The following H3-3A variants were observed in gnomAD, a reference collection of about 807,000 sequenced individuals.
H3-3A encodes H3.3 histone A, also known as histone H3.3.
For synonymous variants in H3-3A, 49 were observed against 61.4 expected, an observed-to-expected ratio of 0.80 and a Z score of 0.95; for missense variants, 7 against 184.0, an observed-to-expected ratio of 0.04 and a Z score of 5.57.
intron 3 of H3-3A, chr1:226,067,395 T>C (rs1471181729): frequency 6.6e-6 from 1 of 152,086 alleles, no homozygotes; most frequent in Non-Finnish European, 1.5e-5. Flanking sequence ...TTGTTAAGCT[T>C]TTGTGTTTTC....
At chr1:226,069,649 T>A (rs570044265) in intron 3 of H3-3A, among the ~76,000 whole-genome samples, 1 of 151,962 alleles carries the variant, frequency 6.6e-6, no homozygotes, top group Non-Finnish European at 1.5e-5. Flanking sequence ...CTGGCCAACA[T>A]GGTGAAACCC....
upstream of H3-3A, chr1:226,062,609 G>A (rs1657758536): frequency 6.7e-6 from 1 of 149,356 alleles, no homozygotes; most frequent in Non-Finnish European, 1.5e-5. Flanking sequence ...GGCGCGAGAG[G>A]AGCTATGGGG....
chr1:226,062,004 G>C (rs949512251), upstream of H3-3A: 8 of 152,202 alleles, frequency 5.3e-5, no homozygotes, highest in African/African-American at 1.9e-4. Flanking sequence ...GGCGGACTCG[G>C]GCCGGTCCCG....
intron 3 of H3-3A, among the ~76,000 whole-genome samples, chr1:226,067,763 CAG>C (rs1657976390): frequency 6.6e-6 from 1 of 150,424 alleles, no homozygotes; most frequent in Non-Finnish European, 1.5e-5. Flanking sequence ...AAAAAGATAA[CAG>C]AGGGAGAATT....
At chr1:226,063,283 GTC>G (rs1201409270) in intron 1 of H3-3A, among the ~76,000 whole-genome samples, 1 of 151,986 alleles carries the variant, frequency 6.6e-6, no homozygotes, top group Non-Finnish European at 1.5e-5. Flanking sequence ...TCACCATCTT[GTC>G]TCTCTTCTCT....
chr1:226,063,280 C>T (rs1242117214), intron 1 of H3-3A, among the ~76,000 whole-genome samples: 2 of 152,166 alleles, frequency 1.3e-5, no homozygotes, highest in Non-Finnish European at 2.9e-5. Flanking sequence ...GCTTCACCAT[C>T]TTGTCTCTCT....
At position 226,065,671 on chromosome 1, in the gene H3-3A, G is replaced by A. The variant is rs143861201; in HGVS notation, c.144G>A (p.Ala48=). The A allele has an allele frequency of 1.0e-5, 16 of 1,603,528 alleles. 1 individual carries two copies. The South Asian group carries it at 1.1e-4, about 11-fold the overall frequency. The change falls in exon 3 of 4, where the codon GCG becomes GCA. Residue 48 remains alanine (A), a synonymous_variant. Transcript: ENST00000366815. ...TTTTTTAAAGGCCTGGTACTGTGGC[G>A]CTCCGTGAAATTAGACGTTATCAGA... is the stretch of plus-strand genomic sequence containing the variant. ...KPHRYRPGTV[A]LREIRRYQKS...
chr1:226,069,009 G>C (rs562672981), intron 3 of H3-3A, among the ~76,000 whole-genome samples: 226 of 151,630 alleles, frequency 1.5e-3, no homozygotes, highest in African/African-American at 5.2e-3. Context: ...GAAGAGTAGT[G>C]ATAGGGCTAA....
At chr1:226,067,273 C>CTA (rs1657960052) in intron 3 of H3-3A, 1 of 152,150 alleles carries the variant, frequency 6.6e-6, no homozygotes, top group Admixed American at 6.5e-5. Context: ...TCCATTGTTA[C>CTA]TATTACATAT....
chr1:226,063,050 CCCT>C (rs1360777568), intron 1 of H3-3A, among the ~76,000 whole-genome samples: 1 of 152,050 alleles, frequency 6.6e-6, no homozygotes, highest in Non-Finnish European at 1.5e-5. Context: ...AGCCTGCTCT[CCCT>C]CCTCCTCCCC....
chr1:226,063,549 G>A (rs1384912136), intron 1 of H3-3A, among the ~76,000 whole-genome samples: 1 of 152,194 alleles, frequency 6.6e-6, no homozygotes, highest in Non-Finnish European at 1.5e-5. Context: ...GTTCTGGTCG[G>A]GGAGCCGAGT....
At chr1:226,064,279 G>A (rs963627758) in intron 1 of H3-3A, 50 bp from the exon 2 acceptor site, 41 of 1,350,930 alleles carry the variant, frequency 3.0e-5, no homozygotes, top group Non-Finnish European at 3.8e-5. Flanking sequence ...AGGAAAAGTT[G>A]TATGTTTGGT....
rs2102735447 is a variant in H3-3A at position 226,064,366 on chromosome 1, G to A, written c.15G>A (p.Lys5=). Residue 5 remains lysine, a synonymous_variant, in exon 2 of 4, where the codon AAG becomes AAA. Coordinates refer to ENST00000366815, the MANE Select transcript of H3-3A (RefSeq NM_002107.7). The part of the protein sequence containing the change: MART[K]QTARKSTGGK... ...GTCTCTGTACCATGGCTCGTACAAA[G>A]CAGACTGCCCGCAAATCGACCGGTG... 1.9e-6 allele frequency: 3 copies of A among 1,613,252 alleles called. No individual in the cohort carries two copies. Among genetic ancestry groups the A allele is most frequent in the Non-Finnish European group, 2.5e-6 (3 of 1,179,508 alleles).
At chr1:226,063,098 G>A (rs1483561166) in intron 1 of H3-3A, among the ~76,000 whole-genome samples, 2 of 147,042 alleles carry the variant, frequency 1.4e-5, no homozygotes, top group Non-Finnish European at 1.5e-5. Flanking sequence ...GTGAAATCCC[G>A]CCCGCCGCCC....
At chr1:226,069,354 A>AT (rs888871220) in intron 3 of H3-3A, among the ~76,000 whole-genome samples, 18 of 151,926 alleles carry the variant, frequency 1.2e-4, no homozygotes, top group African/African-American at 4.4e-4. Flanking sequence ...CTGGTCTGGA[A>AT]TTTTTTTTAT....
intron 3 of H3-3A, chr1:226,066,958 G>A (rs1267541806): frequency 3.3e-5 from 5 of 152,186 alleles, no homozygotes; most frequent in Non-Finnish European, 7.3e-5. Context: ...TAAATTCTCA[G>A]TGAGTTGCTG....
chr1:226,071,007 A>G (rs1658103842), intron 3 of H3-3A, among the ~76,000 whole-genome samples: 1 of 152,202 alleles, frequency 6.6e-6, no homozygotes, highest in Admixed American at 6.5e-5. Context: ...GATTGCGTTT[A>G]TAAGAATGAG....
intron 3 of H3-3A, 70 bp downstream of exon 3, chr1:226,065,879 G>T: frequency 8.7e-7 from 1 of 1,149,356 alleles, no homozygotes; most frequent in Non-Finnish European, 1.3e-6. Flanking sequence ...CCAAATTGTT[G>T]CATGTGCTTA....
chr1:226,069,136 T>G (rs1425935139), intron 3 of H3-3A, among the ~76,000 whole-genome samples: 2 of 148,862 alleles, frequency 1.3e-5, no homozygotes, highest in African/African-American at 5.0e-5. Flanking sequence ...AGCCTCCGCC[T>G]CCCGGGTTCA....
Sources: gnomAD v4.1 joint callset for allele counts (sites outside exome capture counted in the v4.1 genomes callset) on GRCh38, gnomAD v4.1.1 for gene constraint, MANE v1.5 for transcripts, NCBI Gene and HGNC (gene_info 2026-07-23, HGNC 2026-07-21) for gene names.